CCDC18: variants seen among roughly 807,000 people sequenced by gnomAD.
The protein encoded by CCDC18 is coiled-coil domain-containing protein 18.
In CCDC18, 157 loss-of-function variants were observed where a neutral mutation model predicts 196.0. That is an observed-to-expected ratio of 0.80 (90% confidence interval 0.70 to 0.91). The LOEUF (loss-of-function observed/expected upper bound fraction) is 0.91, where lower values mean the gene tolerates loss of function less well. Among genes scored for constraint, CCDC18 ranks in the 40% least tolerant of loss-of-function variants. The pLI is 0.00. For missense variants in CCDC18, 1,465 were observed against 1,611.6 expected, an observed-to-expected ratio of 0.91 and a Z score of 1.56; for synonymous variants, 482 against 529.2, an observed-to-expected ratio of 0.91 and a Z score of 1.22.
rs756929177 is a variant in CCDC18, at chr1:93,183,387, A to G, written c.26A>G (p.Tyr9Cys). 3 of 1,593,710 alleles carry G rather than the reference A, an allele frequency of 1.9e-6. No homozygotes were observed. The highest frequency in any genetic ancestry group is 1.1e-5 in the South Asian group (1 of 88,080). The change falls in exon 2 of 29, where the codon TAT becomes TGT. Residue 9 changes from tyrosine (Y) to cysteine (C), a missense_variant. By Grantham distance (194) the Tyr-to-Cys change is radical. Transcript: ENST00000690025. MESSSSDY[Y>C]NKDNEEESLL... ...ATGGAATCTAGTTCATCAGACTACTATAATAAAGACAATGAAGAGGAAAGT... is the reference window on the plus strand; with the variant it reads ...ATGGAATCTAGTTCATCAGACTACTGTAATAAAGACAATGAAGAGGAAAGT...
rs555442659 is a variant in CCDC18 at position 93,232,946 on chromosome 1, G to A, written c.2460+353G>A. 9.9e-5 allele frequency among the ~76,000 whole-genome samples: 15 copies of A among 152,232 alleles called. No homozygotes were observed. In the East Asian group the frequency reaches 1.9e-3, roughly 20 times the overall value. On this transcript the variant is annotated intron_variant, in intron 18 of 28. Coordinates refer to ENST00000690025, the MANE Select transcript of CCDC18 (RefSeq NM_001378204.1). ...CAATCGTGCCCTTGCACTCCAGCCTGGGCGACAGAGTGAGACTCCGCCTAA... is the reference window on the plus strand; with the variant it reads ...CAATCGTGCCCTTGCACTCCAGCCTAGGCGACAGAGTGAGACTCCGCCTAA...
intron 28 of CCDC18, chr1:93,271,381 G>T (rs1345245744): frequency 1.0e-6 from 1 of 984,836 alleles, no homozygotes; most frequent in African/African-American, 1.7e-5. Flanking sequence ...CTCTTTAAAA[G>T]AAAGATATAT....
intron 6 of CCDC18, among the ~76,000 whole-genome samples, chr1:93,194,266 C>T (rs373708654): frequency 6.6e-6 from 1 of 152,198 alleles, no homozygotes; most frequent in East Asian, 1.9e-4. Context: ...TTAAGTAGCT[C>T]TGTCCAAGGA....
chr1:93,183,273 A>G, intron 1 of CCDC18, 87 bp from the exon 2 acceptor site: 3 of 886,106 alleles, frequency 3.4e-6, no homozygotes, highest in Non-Finnish European at 4.9e-6. Flanking sequence ...TAGAAAACTA[A>G]TGAGTTAAAT....
At position 93,192,047 on chromosome 1, in the gene CCDC18, C is replaced by G. The variant is rs1262886714; in HGVS notation, c.510C>G (p.Ile170Met). 5 of 1,613,946 alleles carry G rather than the reference C, an allele frequency of 3.1e-6. No individual in the cohort carries two copies. The South Asian group carries it at 5.5e-5, about 18-fold the overall frequency. Residue 170 changes from isoleucine to methionine, a missense_variant, in exon 5 of 29, where the codon ATC becomes ATG. Coordinates refer to ENST00000690025, the MANE Select transcript of CCDC18 (RefSeq NM_001378204.1). The stretch of plus-strand genomic sequence containing the variant: ...AACAGCAGGCAGCCAGTGTCCCAAT[C>G]TTAGAAGAACAGATTATAAATTTGG... ...SAQQQAASVPILEEQIINLEA... is the reference protein window; with the variant it reads ...SAQQQAASVPMLEEQIINLEA...
intron 28 of CCDC18, among the ~76,000 whole-genome samples, chr1:93,275,265 G>T (rs192996446): frequency 6.6e-6 from 1 of 152,180 alleles, no homozygotes; most frequent in Non-Finnish European, 1.5e-5. Flanking sequence ...GTGTCACCAT[G>T]CCTGGCTAAT....
intron 21 of CCDC18, among the ~76,000 whole-genome samples, chr1:93,242,772 C>T (rs539758637): frequency 1.3e-5 from 2 of 152,172 alleles, no homozygotes; most frequent in African/African-American, 2.4e-5. Flanking sequence ...TTGGCCAAAA[C>T]AAAGGGGCTA....
chr1:93,204,867 T>C (rs1449331032), intron 7 of CCDC18, among the ~76,000 whole-genome samples: 1 of 152,034 alleles, frequency 6.6e-6, no homozygotes, highest in Non-Finnish European at 1.5e-5. Flanking sequence ...GAATGAAATA[T>C]CTTAGAAGGG....
intron 8 of CCDC18, among the ~76,000 whole-genome samples, chr1:93,206,347 A>G (rs1654700097): frequency 6.6e-6 from 1 of 152,176 alleles, no homozygotes; most frequent in Admixed American, 6.5e-5. Flanking sequence ...TATACTTTTA[A>G]GAAAGAAAGA....
intron 7 of CCDC18, among the ~76,000 whole-genome samples, chr1:93,203,686 C>G (rs1020272750): frequency 6.6e-6 from 1 of 152,078 alleles, no homozygotes; most frequent in Non-Finnish European, 1.5e-5. Flanking sequence ...GAGGACTGAA[C>G]CAGGTGTGGT....
chr1:93,265,721 A>C, intron 27 of CCDC18, among the ~76,000 whole-genome samples: 1 of 152,220 alleles, frequency 6.6e-6, no homozygotes. Context: ...TGGTAAAGGG[A>C]TCAATTCAAC....
intron 5 of CCDC18, 21 bp from the exon 6 acceptor site, chr1:93,193,595 A>G: frequency 6.5e-7 from 1 of 1,534,746 alleles, no homozygotes; most frequent in Non-Finnish European, 8.8e-7. Context: ...AGTCTTAAAC[A>G]AAGTATCCTT....
intron 5 of CCDC18, 31 bp from the exon 6 acceptor site, chr1:93,193,585 A>T: frequency 6.8e-7 from 1 of 1,468,366 alleles, no homozygotes; most frequent in Non-Finnish European, 9.2e-7. Context: ...TCTCTTTAGT[A>T]GTCTTAAACA....
At chr1:93,257,329 G>A (rs1663150188) in intron 25 of CCDC18, among the ~76,000 whole-genome samples, 1 of 149,494 alleles carries the variant, frequency 6.7e-6, no homozygotes, top group East Asian at 2.0e-4. Flanking sequence ...CAAAACCCTT[G>A]GTTGATAAAG....
At chr1:93,196,442 A>G (rs1324631765) in intron 6 of CCDC18, among the ~76,000 whole-genome samples, 2 of 152,248 alleles carry the variant, frequency 1.3e-5, no homozygotes, top group Admixed American at 1.3e-4. Flanking sequence ...CATTACCAAC[A>G]TTAAAATGAC....
At chr1:93,246,754 T>G (rs1224869048) in intron 22 of CCDC18, 84 bp from the exon 23 acceptor site, 13 of 683,038 alleles carry the variant, frequency 1.9e-5, no homozygotes, top group Admixed American at 2.7e-5. Flanking sequence ...TTATACTTGC[T>G]ATAAACAATT....
chr1:93,264,968 T>C, intron 27 of CCDC18, 67 bp downstream of exon 27: 1 of 1,141,772 alleles, frequency 8.8e-7, no homozygotes, highest in Non-Finnish European at 1.3e-6. Flanking sequence ...TATTTACCTG[T>C]CTTAGTAGTT....
At chr1:93,239,071 A>G (rs1010329617) in intron 19 of CCDC18, among the ~76,000 whole-genome samples, 12 of 152,194 alleles carry the variant, frequency 7.9e-5, no homozygotes, top group South Asian at 4.1e-4. Flanking sequence ...TAGAGTGAAA[A>G]GAATGCTAGG....
chr1:93,218,926 CT>C (rs1489490323), intron 14 of CCDC18, among the ~76,000 whole-genome samples: 1 of 152,208 alleles, frequency 6.6e-6, no homozygotes, highest in Non-Finnish European at 1.5e-5. Context: ...TTCTTCATCT[CT>C]GCTGGAAATG....
Sources: allele counts gnomAD v4.1 joint callset (sites outside exome capture counted in the v4.1 genomes callset), GRCh38; gene constraint gnomAD v4.1.1; transcripts MANE v1.5; gene names NCBI Gene and HGNC (gene_info 2026-07-23, HGNC 2026-07-21).